Variants in CNBD1 observed in about 807,000 individuals in gnomAD.
The protein encoded by CNBD1 is cyclic nucleotide binding domain containing 1.
CNBD1 carries 71 observed loss-of-function variants against 54.4 expected under a neutral mutation model. That is an observed-to-expected ratio of 1.30 (90% CI 1.08 to 1.59). The LOEUF (loss-of-function observed/expected upper bound fraction) is 1.59. CNBD1 is among the 40% of genes most tolerant of loss of function. The pLI is 0.00. For missense variants in CNBD1, 659 were observed against 518.0 expected, an observed-to-expected ratio of 1.27 and a Z score of -2.64; for synonymous variants, 182 against 170.7, an observed-to-expected ratio of 1.07 and a Z score of -0.51.
chr8:87,094,593 C>G (rs1354199246), intron 4 of CNBD1, among the ~76,000 whole-genome samples: 2 of 152,030 alleles, frequency 1.3e-5, no homozygotes, highest in African/African-American at 4.8e-5. Flanking sequence ...CCATCTTGCC[C>G]TCAGGGATGT....
intron 3 of CNBD1, among the ~76,000 whole-genome samples, chr8:86,929,699 G>C (rs2131833674): frequency 6.6e-6 from 1 of 152,292 alleles, no homozygotes; most frequent in East Asian, 1.9e-4. Flanking sequence ...TAAGCAGGCA[G>C]TTGTCTGATA....
At chr8:87,360,483 A>T (rs1405564903) in intron 10 of CNBD1, among the ~76,000 whole-genome samples, 2 of 151,822 alleles carry the variant, frequency 1.3e-5, no homozygotes, top group African/African-American at 2.4e-5. Context: ...TGCTACTGAG[A>T]ATGTAGTTTA....
chr8:87,086,382 G>A (rs1811097065), intron 4 of CNBD1, among the ~76,000 whole-genome samples: 1 of 152,168 alleles, frequency 6.6e-6, no homozygotes, highest in Non-Finnish European at 1.5e-5. Context: ...TGCAAGAAAA[G>A]TTATGCTTTT....
chr8:87,183,761 T>C (rs966617773), intron 4 of CNBD1, among the ~76,000 whole-genome samples: 1 of 152,156 alleles, frequency 6.6e-6, no homozygotes, highest in Admixed American at 6.6e-5. Context: ...CATGTTGGGT[T>C]TAGTTGATTG....
chr8:87,322,559 G>T lies in CNBD1; in HGVS notation c.1043-29126G>T, dbSNP rs1439588831. 1.7e-5 allele frequency among the ~76,000 whole-genome samples: 2 copies of T among 117,032 alleles called. 1 individual carries two copies. Among genetic ancestry groups the T allele is most frequent in the African/African-American group, 6.4e-5 (2 of 31,120 alleles). 76.8% of individuals were successfully genotyped at this position (117,032 alleles called of 152,430 possible). On this transcript the variant is annotated intron_variant, in intron 8 of 10. Coordinates refer to ENST00000518476, the MANE Select transcript of CNBD1 (RefSeq NM_173538.3). ...TTGCATTTCTCTGATGGCCAGTAAT[G>T]ATGAGCATTTTTTCATGTGTTTTTT...
At chr8:87,418,204 T>C (rs545114101) in intron 2 of CNBD1, among the ~76,000 whole-genome samples, 9 of 152,080 alleles carry the variant, frequency 5.9e-5, no homozygotes, top group African/African-American at 2.2e-4. Flanking sequence ...TATGGGCTAA[T>C]AGAATAATAT....
At chr8:86,933,333 A>G (rs1809488153) in intron 3 of CNBD1, among the ~76,000 whole-genome samples, 1 of 152,160 alleles carries the variant, frequency 6.6e-6, no homozygotes, top group African/African-American at 2.4e-5. Context: ...TACAGACTAG[A>G]AAAATGAAAA....
At chr8:87,228,092 CA>C (rs1232617739) in intron 5 of CNBD1, among the ~76,000 whole-genome samples, 1 of 151,604 alleles carries the variant, frequency 6.6e-6, no homozygotes, top group African/African-American at 2.4e-5. Flanking sequence ...TCAGCTCCAT[CA>C]GCTCCTTTAA....
rs1408745406 is a variant in CNBD1, at chr8:87,301,681, A to G, written c.1042+15010A>G. Among the ~76,000 whole-genome samples the G allele has an allele frequency of 4.6e-5, 7 of 151,294 alleles. 1 individual carries two copies. The East Asian group carries it at 1.4e-3, about 29-fold the overall frequency. On this transcript the variant is annotated intron_variant, in intron 8 of 10. Transcript: ENST00000518476. ...GAAATAGAGACACAAAAAACCCTTCAAAAAATCAATGAATCCAGGACCTGG... is the reference window on the plus strand; with the variant it reads ...GAAATAGAGACACAAAAAACCCTTCGAAAAATCAATGAATCCAGGACCTGG...
At chr8:87,079,453 AG>A (rs1181227432) in intron 4 of CNBD1, among the ~76,000 whole-genome samples, 3 of 152,114 alleles carry the variant, frequency 2.0e-5, no homozygotes, top group African/African-American at 2.4e-5. Context: ...TGAGAGTCTC[AG>A]TTACCTTCAT....
intron 4 of CNBD1, among the ~76,000 whole-genome samples, chr8:87,012,474 A>G (rs1350244719): frequency 1.3e-5 from 2 of 152,192 alleles, no homozygotes. Flanking sequence ...TTTCCTTACC[A>G]TACCTTAACA....
At chr8:86,959,899 G>A (rs1185890031) in intron 4 of CNBD1, among the ~76,000 whole-genome samples, 1 of 152,090 alleles carries the variant, frequency 6.6e-6, no homozygotes, top group African/African-American at 2.4e-5. Context: ...CGTTGTTGGC[G>A]AGGAGCTTTG....
At chr8:87,271,028 A>AT (rs1160106166) in intron 6 of CNBD1, among the ~76,000 whole-genome samples, 11 of 151,164 alleles carry the variant, frequency 7.3e-5, no homozygotes, top group South Asian at 2.1e-4. Flanking sequence ...GAATTTATCC[A>AT]TTTTTTTCTA....
intron 9 of CNBD1, among the ~76,000 whole-genome samples, chr8:87,352,533 G>C (rs1050679601): frequency 1.2e-4 from 18 of 149,640 alleles, no homozygotes; most frequent in Non-Finnish European, 2.7e-4. Flanking sequence ...ACTGGAAGTA[G>C]TCCACGTATC....
intron 4 of CNBD1, among the ~76,000 whole-genome samples, chr8:87,093,974 A>G (rs1272900626): frequency 6.6e-6 from 1 of 152,188 alleles, no homozygotes; most frequent in Admixed American, 6.5e-5. Context: ...TGCAGTAACT[A>G]TTAAAGTAAT....
intron 4 of CNBD1, among the ~76,000 whole-genome samples, chr8:87,092,330 C>A (rs1240688301): frequency 6.6e-6 from 1 of 150,386 alleles, no homozygotes; most frequent in Non-Finnish European, 1.5e-5. Context: ...CCAGGGATTC[C>A]ATAATACTGG....
chr8:86,995,342 C>G (rs1253140812), intron 4 of CNBD1, among the ~76,000 whole-genome samples: 1 of 152,206 alleles, frequency 6.6e-6, no homozygotes, highest in Non-Finnish European at 1.5e-5. Flanking sequence ...CTACTCGATT[C>G]TGCATTATAC....
chr8:87,004,660 A>G (rs988632014), intron 4 of CNBD1, among the ~76,000 whole-genome samples: 1 of 152,146 alleles, frequency 6.6e-6, no homozygotes, highest in Non-Finnish European at 1.5e-5. Context: ...CTCTACCAAC[A>G]CAAGCACAGG....
chr8:87,331,634 C>G (rs1484278857), intron 8 of CNBD1, among the ~76,000 whole-genome samples: 1 of 152,180 alleles, frequency 6.6e-6, no homozygotes, highest in Non-Finnish European at 1.5e-5. Flanking sequence ...TAAATTATCA[C>G]CACACTGTCT....
Sources: allele counts gnomAD v4.1 joint callset (sites outside exome capture counted in the v4.1 genomes callset), GRCh38; gene constraint gnomAD v4.1.1; transcripts MANE v1.5; gene names NCBI Gene and HGNC (gene_info 2026-07-23, HGNC 2026-07-21).